MN1: variants seen among roughly 807,000 people sequenced by gnomAD.
MN1 encodes transcriptional activator MN1.
In MN1, 19 loss-of-function variants were observed where a neutral mutation model predicts 86.9. The ratio of observed to expected loss-of-function variants is 0.22; its 90% CI spans 0.15 to 0.32. MN1 has a LOEUF of 0.32. MN1 is among the 10% of genes least tolerant of loss of function. The pLI, the probability that MN1 is intolerant of heterozygous loss-of-function variation, is 1.00. For synonymous variants in MN1, 928 were observed against 849.6 expected, an observed-to-expected ratio of 1.09 and a Z score of -1.60; for missense variants, 1,841 against 1,862.0, an observed-to-expected ratio of 0.99 and a Z score of 0.21.
intron 1 of MN1, among the ~76,000 whole-genome samples, chr22:27,765,792 G>A (rs990248880): frequency 3.3e-5 from 5 of 152,228 alleles, no homozygotes; most frequent in African/African-American, 1.2e-4. Flanking sequence ...TGAGTCTAGA[G>A]GCTGTGTCTT....
chr22:27,782,682 A>C (rs1933070035), intron 1 of MN1, among the ~76,000 whole-genome samples: 1 of 151,976 alleles, frequency 6.6e-6, no homozygotes. Context: ...AACTATTATT[A>C]TTCTCTTTCA....
chr22:27,794,494 C>T (rs575869908), intron 1 of MN1, among the ~76,000 whole-genome samples: 1 of 152,330 alleles, frequency 6.6e-6, no homozygotes, highest in African/African-American at 2.4e-5. Flanking sequence ...GTCCCTGTCG[C>T]CCCGCATGCA....
Position 27,798,594 on chromosome 22 carries a change from C to T in MN1, c.1950G>A (p.Ser650=), listed in dbSNP as rs1346934817. The T allele has an allele frequency of 3.2e-6, 5 of 1,553,430 alleles. No individual in the cohort carries two copies. The highest frequency in any genetic ancestry group is 1.4e-5 in the African/African-American group (1 of 73,392). The change falls in exon 1 of 2, where the codon TCG becomes TCA. Residue 650 remains serine (S), a synonymous_variant. Transcript: ENST00000302326. ...GDLLPRRMGG[S]GLPADCGPHD... is the part of the protein sequence containing the mutation. ...GCGGGCCACAGTCAGCGGGCAGACC[C>T]GAGCCGCCCATCCTACGGGGCAGCA...
At position 27,798,001 on chromosome 22, in the gene MN1, A is replaced by C; in HGVS notation, c.2543T>G (p.Phe848Cys). The C allele has an allele frequency of 6.3e-7, 1 of 1,595,626 alleles. No individual in the cohort carries two copies. The highest frequency in any genetic ancestry group is 8.5e-7 in the Non-Finnish European group (1 of 1,172,840). The change falls in exon 1 of 2, where the codon TTC becomes TGC. Residue 848 changes from phenylalanine (F) to cysteine (C), a missense_variant. Phe to Cys is a radical substitution (Grantham distance 205). Transcript: ENST00000302326. ...SLGAPNLNVT[F>C]NKKNPPEGKR... ...GCCCTCTGGCGGGTTCTTCTTGTTG[A>C]AGGTCACGTTGAGGTTGGGGGCCCC...
chr22:27,761,645 C>A (rs943122075), intron 1 of MN1, among the ~76,000 whole-genome samples: 5 of 152,146 alleles, frequency 3.3e-5, no homozygotes, highest in Non-Finnish European at 5.9e-5. Context: ...CTGCATTCCC[C>A]TTCTGCCCTG....
intron 1 of MN1, among the ~76,000 whole-genome samples, chr22:27,757,913 A>C (rs1447131914): frequency 6.6e-6 from 1 of 151,536 alleles, no homozygotes; most frequent in African/African-American, 2.4e-5. Flanking sequence ...CCCATCCCCC[A>C]CAGTCAGCCC....
Position 27,748,636 on chromosome 22 carries a change from T to G in MN1, c.*2279A>C, listed in dbSNP as rs5762340. 1,939 of 211,090 alleles carry G rather than the reference T, an allele frequency of 9.2e-3. 46 individuals are homozygous for G. Among genetic ancestry groups the G allele is most frequent in the East Asian group, 0.067 (933 of 13,902 alleles). The allele number at this position is 211,090 out of a possible 1,614,324, so 13.1% of individuals were successfully genotyped here. On this transcript the variant is annotated 3_prime_UTR_variant, in exon 2 of 2. Transcript: ENST00000302326. ...GTGTGTTTTTCATTTACTTTTATTC[T>G]TTCCATTAAACCAAATTTAATGAAA...
chr22:27,756,189 G>A (rs545476984), intron 1 of MN1, among the ~76,000 whole-genome samples: 26 of 152,358 alleles, frequency 1.7e-4, no homozygotes, highest in African/African-American at 5.8e-4. Flanking sequence ...GAATGGAAAA[G>A]AGGGGACGTT....
intron 1 of MN1, among the ~76,000 whole-genome samples, chr22:27,795,109 A>G (rs1358166582): frequency 6.6e-6 from 1 of 152,058 alleles, no homozygotes; most frequent in Non-Finnish European, 1.5e-5. Context: ...AAACTAACCA[A>G]TTTATGGCCT....
intron 1 of MN1, among the ~76,000 whole-genome samples, chr22:27,795,155 C>T (rs908372743): frequency 4.6e-5 from 7 of 152,060 alleles, no homozygotes; most frequent in South Asian, 2.1e-4. Flanking sequence ...TGATGCTGGC[C>T]GCAGCGTCTG....
At chr22:27,760,726 C>G (rs2146296202) in intron 1 of MN1, among the ~76,000 whole-genome samples, 1 of 152,318 alleles carries the variant, frequency 6.6e-6, no homozygotes, top group South Asian at 2.1e-4. Flanking sequence ...AGGGGACTAG[C>G]CACTCCTTGG....
At position 27,799,641 on chromosome 22, in the gene MN1, C is replaced by G; in HGVS notation, c.903G>C (p.Gln301His). 1 of 1,548,962 alleles carries G rather than the reference C, an allele frequency of 6.5e-7. No homozygotes were observed. The highest frequency in any genetic ancestry group is 8.7e-7 in the Non-Finnish European group (1 of 1,146,110). Reference protein sequence around the residue: ...QPPQQQPQQQQQPQQQQQQHG... With the variant: ...QPPQQQPQQQHQPQQQQQQHG... ...GCTGCTGCTGCTGCTGCTGGGGCTGCTGCTGCTGCTGGGGCTGCTGCTGCG... is the reference window on the plus strand; with the variant it reads ...GCTGCTGCTGCTGCTGCTGGGGCTGGTGCTGCTGCTGGGGCTGCTGCTGCG... The change falls in exon 1 of 2, where the codon CAG becomes CAC. Residue 301 changes from glutamine to histidine, a missense_variant. Coordinates refer to ENST00000302326, the MANE Select transcript of MN1 (RefSeq NM_002430.3).
intron 1 of MN1, among the ~76,000 whole-genome samples, chr22:27,792,748 A>G (rs997204029): frequency 3.3e-5 from 5 of 152,280 alleles, no homozygotes; most frequent in African/African-American, 1.2e-4. Flanking sequence ...CAAAAGTCAC[A>G]TGAAGGCATA....
At position 27,789,537 on chromosome 22, in the gene MN1, C is replaced by T. The variant is rs57571177; in HGVS notation, c.3781+7226G>A. ...CAGGGGAAGTAGGGCAAGGTGAGTT[C>T]GCTGGACTCAGAGCTTTCAAGATGA... On this transcript the variant is annotated intron_variant, in intron 1 of 1. Coordinates refer to ENST00000302326, the MANE Select transcript of MN1 (RefSeq NM_002430.3). Among the ~76,000 whole-genome samples, 694 of 152,288 alleles carry T rather than the reference C, an allele frequency of 4.6e-3. 8 individuals are homozygous for T. Among genetic ancestry groups the T allele is most frequent in the African/African-American group, 0.016 (659 of 41,556 alleles).
At position 27,782,979 on chromosome 22, in the gene MN1, G is replaced by C. The variant is rs189490344; in HGVS notation, c.3781+13784C>G. Among the ~76,000 whole-genome samples the C allele has an allele frequency of 7.8e-4, 119 of 152,212 alleles. No homozygotes were observed. In the Middle Eastern group the frequency reaches 0.027, roughly 35 times the overall value. On this transcript the variant is annotated intron_variant, in intron 1 of 1. Transcript: ENST00000302326. Reference sequence around the variant, plus strand: ...CAGCTCGGAAGAATCAAAACGCCAGGGCTGAAACCCACAGCAACCATCTGA... The same window carrying C: ...CAGCTCGGAAGAATCAAAACGCCAGCGCTGAAACCCACAGCAACCATCTGA...
At chr22:27,754,753 G>A (rs536684026) in intron 1 of MN1, among the ~76,000 whole-genome samples, 31 of 152,254 alleles carry the variant, frequency 2.0e-4, no homozygotes, top group African/African-American at 7.5e-4. Context: ...CGCTCCTTGA[G>A]GCGGTAAGCA....
At chr22:27,795,573 T>C (rs1202512098) in intron 1 of MN1, among the ~76,000 whole-genome samples, 1 of 152,064 alleles carries the variant, frequency 6.6e-6, no homozygotes, top group Non-Finnish European at 1.5e-5. Flanking sequence ...TCCATGGTGA[T>C]AGTCTGTCTA....
Position 27,799,205 on chromosome 22 carries a change from C to A in MN1, c.1339G>T (p.Ala447Ser). The change falls in exon 1 of 2, where the codon GCG (alanine) becomes TCG (serine). Residue 447 changes from alanine (A) to serine (S), a missense_variant. By Grantham distance (99) the Ala-to-Ser change is moderately conservative (BLOSUM62 1). Transcript: ENST00000302326. ...APNQRLQHFD[A>S]PPYMNVAKRP... Reference sequence around the variant, plus strand: ...TTGGCCACGTTCATGTAGGGGGGCGCGTCGAAATGCTGCAGCCGCTGGTTG... The same window carrying A: ...TTGGCCACGTTCATGTAGGGGGGCGAGTCGAAATGCTGCAGCCGCTGGTTG... The A allele has an allele frequency of 6.2e-7, 1 of 1,602,034 alleles. No individual in the cohort carries two copies. The highest frequency in any genetic ancestry group is 8.5e-7 in the Non-Finnish European group (1 of 1,172,080).
chr22:27,777,359 C>G (rs900738186), intron 1 of MN1, among the ~76,000 whole-genome samples: 2 of 151,756 alleles, frequency 1.3e-5, no homozygotes, highest in Middle Eastern at 3.2e-3. Flanking sequence ...ACAGCAAGAC[C>G]CCATCTCTAT....
Sources: allele counts gnomAD v4.1 joint callset (sites outside exome capture counted in the v4.1 genomes callset), GRCh38; gene constraint gnomAD v4.1.1; transcripts MANE v1.5; gene names NCBI Gene and HGNC (gene_info 2026-07-23, HGNC 2026-07-21).